RTN1: variants seen among roughly 807,000 people sequenced by gnomAD.
RTN1 encodes reticulon-1.
RTN1 carries 25 observed loss-of-function variants against 65.5 expected under a neutral mutation model. The observed-to-expected ratio is 0.38, with a 90% confidence interval of 0.28 to 0.53. The LOEUF is 0.53. RTN1 is among the 20% of genes least tolerant of loss of function. The probability of loss-of-function intolerance (pLI) is 0.79; values close to 1 mark genes in which losing one functional copy is unlikely to be tolerated. For synonymous variants in RTN1, 471 were observed against 447.6 expected (o/e 1.05, Z -0.66); for missense variants, 983 against 1,025.4 (o/e 0.96, Z 0.57).
intron 3 of RTN1, among the ~76,000 whole-genome samples, chr14:59,623,426 C>A (rs1358644147): frequency 6.6e-6 from 1 of 152,212 alleles, no homozygotes; most frequent in Non-Finnish European, 1.5e-5. Context: ...AGCTCCTCCT[C>A]CTCCTAGACC....
chr14:59,658,055 G>C (rs562114126), intron 3 of RTN1, among the ~76,000 whole-genome samples: 122 of 152,330 alleles, frequency 8.0e-4, no homozygotes, highest in African/African-American at 2.7e-3. Flanking sequence ...TCAGGTTGGT[G>C]GGGGGAGGGG....
intron 3 of RTN1, among the ~76,000 whole-genome samples, chr14:59,671,190 T>C (rs1191237415): frequency 2.6e-5 from 4 of 152,126 alleles, no homozygotes; most frequent in Non-Finnish European, 5.9e-5. Context: ...GTCATACTTG[T>C]GGAAAAAAAA....
At position 59,745,688 on chromosome 14, in the gene RTN1, A is replaced by G; in HGVS notation, c.1015+20T>C. ...CCATATGCTGGGTTTTCCTAAGTCA[A>G]GCAATAACAGGGCCTTTACCTGTTC... On this transcript the variant is annotated intron_variant, in intron 2 of 8. Transcript: ENST00000267484. 6.5e-7 allele frequency: 1 copy of G among 1,545,946 alleles called. No individual in the cohort carries two copies. Among genetic ancestry groups the G allele is most frequent in the South Asian group, 1.3e-5 (1 of 79,508 alleles).
At chr14:59,641,903 CATTT>C (rs1270040293) in intron 3 of RTN1, among the ~76,000 whole-genome samples, 1 of 152,160 alleles carries the variant, frequency 6.6e-6, no homozygotes, top group Non-Finnish European at 1.5e-5. Context: ...TAATCTTTCA[CATTT>C]ACTCACATAT....
intron 3 of RTN1, among the ~76,000 whole-genome samples, chr14:59,636,596 G>C (rs1417123071): frequency 6.6e-6 from 1 of 152,130 alleles, no homozygotes; most frequent in Non-Finnish European, 1.5e-5. Context: ...GTATTATATA[G>C]TGACCTTGCT....
intron 1 of RTN1, among the ~76,000 whole-genome samples, chr14:59,806,579 T>C (rs1886642630): frequency 6.6e-6 from 1 of 152,186 alleles, no homozygotes; most frequent in Admixed American, 6.5e-5. Context: ...TTAAACCTAG[T>C]ACCTATTAGT....
chr14:59,868,574 CAT>C lies in RTN1; in HGVS notation c.241+1814_241+1815del, dbSNP rs1442634039. Among the ~76,000 whole-genome samples, 1 of 152,094 alleles carries C rather than the reference CAT, an allele frequency of 6.6e-6. No homozygotes were observed. Among genetic ancestry groups the C allele is most frequent in the Non-Finnish European group, 1.5e-5 (1 of 68,014 alleles). On this transcript the variant is annotated intron_variant, in intron 1 of 8. Transcript: ENST00000267484. The surrounding 1 kb of genome is among the most constrained non-coding windows in gnomAD (Gnocchi z 4.0). ...ACGCTTTTACCACAAAAAAAAAGTA[CAT>C]GAGATGATGGATTTGTTAGCTAATC...
intron 1 of RTN1, among the ~76,000 whole-genome samples, chr14:59,824,453 A>G (rs1221719283): frequency 6.6e-6 from 1 of 152,148 alleles, no homozygotes; most frequent in Non-Finnish European, 1.5e-5. Context: ...GAGGGTGGAG[A>G]GTTCACTCTT....
At position 59,728,249 on chromosome 14, in the gene RTN1, C is replaced by CTTTTTTTTTTTTTTTTTTTTTTTTTTT. The variant is rs200434592; in HGVS notation, c.1016-582_1016-581insAAAAAAAAAAAAAAAAAAAAAAAAAAA. On this transcript the variant is annotated intron_variant, in intron 2 of 8. Transcript: ENST00000267484. ...TTATATTTCCAATAAGAATCAGTAT[C>CTTTTTTTTTTTTTTTTTTTTTTTTTTT]TTTTTTTTTTTTTTTTTTTTTTTTT... Among the ~76,000 whole-genome samples the CTTTTTTTTTTTTTTTTTTTTTTTTTTT allele has an allele frequency of 4.0e-5, 5 of 124,194 alleles. 1 individual carries two copies. The highest frequency in any genetic ancestry group is 1.5e-4 in the African/African-American group (5 of 33,632). The allele number at this position is 124,194 out of a possible 152,430, so 81.5% of individuals were successfully genotyped here. A position where few individuals can be genotyped will look rare whatever the true frequency, so the allele number is the denominator to read the frequency against.
At chr14:59,820,042 C>A (rs747930456) in intron 1 of RTN1, among the ~76,000 whole-genome samples, 3 of 152,244 alleles carry the variant, frequency 2.0e-5, no homozygotes, top group Admixed American at 2.0e-4. Context: ...AGAGTGGACG[C>A]CAAGGCCGAG....
intron 3 of RTN1, among the ~76,000 whole-genome samples, chr14:59,617,846 A>G (rs1317191972): frequency 3.3e-5 from 5 of 152,192 alleles, no homozygotes; most frequent in African/African-American, 1.2e-4. Flanking sequence ...GACAGTTGCA[A>G]AGCAGTTCCA....
At chr14:59,765,033 T>C (rs115179693) in intron 1 of RTN1, among the ~76,000 whole-genome samples, 157 of 152,300 alleles carry the variant, frequency 1.0e-3, no homozygotes, top group African/African-American at 3.6e-3. Context: ...ACGTAAAATA[T>C]TTTAAAATGT....
intron 3 of RTN1, among the ~76,000 whole-genome samples, chr14:59,639,106 C>T (rs898011998): frequency 6.6e-5 from 10 of 152,072 alleles, no homozygotes; most frequent in Admixed American, 3.3e-4. Context: ...AATAAAGAGA[C>T]GTGAGAAGAG....
At chr14:59,863,855 T>C (rs773911600) in intron 1 of RTN1, among the ~76,000 whole-genome samples, 21 of 152,228 alleles carry the variant, frequency 1.4e-4, no homozygotes, top group Non-Finnish European at 2.5e-4. Flanking sequence ...CCAAAAATCA[T>C]GGCATGTCCC....
intron 1 of RTN1, among the ~76,000 whole-genome samples, chr14:59,819,095 C>A (rs1441342756): frequency 6.6e-6 from 1 of 152,086 alleles, no homozygotes; most frequent in Non-Finnish European, 1.5e-5. Context: ...TCTTCCCGTC[C>A]AGAGTTGTTC....
chr14:59,685,529 T>A (rs905511727), intron 3 of RTN1, among the ~76,000 whole-genome samples: 1 of 152,092 alleles, frequency 6.6e-6, no homozygotes, highest in Non-Finnish European at 1.5e-5. Context: ...TAACAGTGAA[T>A]TATCTGAAAA....
At chr14:59,692,744 C>A (rs1294779815) in intron 3 of RTN1, among the ~76,000 whole-genome samples, 1 of 152,040 alleles carries the variant, frequency 6.6e-6, no homozygotes, top group African/African-American at 2.4e-5. Flanking sequence ...ATAAAGAACC[C>A]AGAAATAAAA....
intron 1 of RTN1, among the ~76,000 whole-genome samples, chr14:59,826,046 AAG>A (rs1887025385): frequency 6.6e-6 from 1 of 152,232 alleles, no homozygotes; most frequent in African/African-American, 2.4e-5. Context: ...CTGGATCAAA[AAG>A]AGCAGTCCAT....
intron 1 of RTN1, among the ~76,000 whole-genome samples, chr14:59,754,920 G>C (rs1329717981): frequency 1.3e-5 from 2 of 152,156 alleles, no homozygotes; most frequent in South Asian, 2.1e-4. Flanking sequence ...GGTTCATTAC[G>C]TACTTTAAAT....
Sources: gnomAD v4.1 joint callset for allele counts (sites outside exome capture counted in the v4.1 genomes callset) on GRCh38, gnomAD v4.1.1 for gene constraint, Gnocchi (gnomAD v3.1) non-coding constraint, MANE v1.5 for transcripts, NCBI Gene and HGNC (gene_info 2026-07-23, HGNC 2026-07-21) for gene names.